Variants in PARD3B observed in about 807,000 individuals in gnomAD.
PARD3B encodes the protein par-3 family cell polarity regulator beta, also known as partitioning defective 3 homolog B.
In PARD3B, 103 loss-of-function variants were observed where a neutral mutation model predicts 130.2. The ratio of observed to expected loss-of-function variants is 0.79; its 90% CI spans 0.67 to 0.93. PARD3B has a LOEUF of 0.93. Among genes scored for constraint, PARD3B ranks in the 40% least tolerant of loss-of-function variants. PARD3B has a pLI of 0.00. For synonymous variants in PARD3B, 583 were observed against 553.2 expected, an observed-to-expected ratio of 1.05 and a Z score of -0.76; for missense variants, 1,609 against 1,499.2, an observed-to-expected ratio of 1.07 and a Z score of -1.21.
At chr2:204,897,153 G>C (rs1559237852) in intron 2 of PARD3B, among the ~76,000 whole-genome samples, 1 of 152,024 alleles carries the variant, frequency 6.6e-6, no homozygotes, top group Non-Finnish European at 1.5e-5. Flanking sequence ...TTATAATTTA[G>C]CTATTAAATC....
rs76956694 is a variant in PARD3B at position 204,639,964 on chromosome 2, A to G, written c.121-46217A>G. On this transcript the variant is annotated intron_variant, in intron 1 of 22. Coordinates refer to ENST00000406610, the MANE Select transcript of PARD3B (RefSeq NM_001302769.2). ...GTATCTTCTACTTGCCCTTATAAAT[A>G]TACTCGTTGCTGGGCATGGTGGCTC... 7.3e-3 allele frequency among the ~76,000 whole-genome samples: 1,110 copies of G among 152,212 alleles called. 14 individuals carry two copies. The highest frequency in any genetic ancestry group is 0.047 in the East Asian group (243 of 5,150).
chr2:204,835,749 G>A (rs2044007381), intron 2 of PARD3B, among the ~76,000 whole-genome samples: 1 of 152,160 alleles, frequency 6.6e-6, no homozygotes. Flanking sequence ...TCTTTTCCCA[G>A]GCTAGGAATA....
chr2:205,565,856 A>C (rs2053307586), intron 22 of PARD3B, among the ~76,000 whole-genome samples: 1 of 151,848 alleles, frequency 6.6e-6, no homozygotes, highest in South Asian at 2.1e-4. Context: ...CTAGTGGAGA[A>C]GATAGTAATT....
rs181853665 is a variant in PARD3B, at chr2:204,983,054, T to C, written c.394+17731T>C. ...TATCTGGATGATTGCCTCCATTTTC[T>C]ACCTGATTTAGTGCTTTCTACCTGA... On this transcript the variant is annotated intron_variant, in intron 3 of 22. Coordinates refer to ENST00000406610, the MANE Select transcript of PARD3B (RefSeq NM_001302769.2). Among the ~76,000 whole-genome samples, 141 of 152,336 alleles carry C rather than the reference T, an allele frequency of 9.3e-4. 1 individual carries two copies. Among genetic ancestry groups the C allele is most frequent in the Non-Finnish European group, 1.5e-3 (100 of 68,028 alleles).
At chr2:204,978,965 CAAAAAA>C (rs34432147) in intron 3 of PARD3B, among the ~76,000 whole-genome samples, 1 of 74,896 alleles carries the variant, frequency 1.3e-5, no homozygotes, top group Non-Finnish European at 2.4e-5. Flanking sequence ...ACCCTGGCCT[CAAAAAA>C]AAAAAAAAAA....
At chr2:205,039,219 C>CT (rs1698220910) in intron 3 of PARD3B, among the ~76,000 whole-genome samples, 1 of 152,032 alleles carries the variant, frequency 6.6e-6, no homozygotes, top group African/African-American at 2.4e-5. Flanking sequence ...TTTCACTAGT[C>CT]TTATTTTATT....
chr2:205,349,491 C>T (rs1256276107), intron 18 of PARD3B, among the ~76,000 whole-genome samples: 2 of 152,098 alleles, frequency 1.3e-5, no homozygotes, highest in African/African-American at 4.8e-5. Context: ...TCAAAATAAA[C>T]TGTGGAAAGA....
Position 205,010,083 on chromosome 2 carries a change from G to A in PARD3B, c.395-37498G>A, listed in dbSNP as rs150186522. ...AACCAATATAGTAATATTTTTCCAA[G>A]CAGGCAATTTTAAACAACAATACTG... On this transcript the variant is annotated intron_variant, in intron 3 of 22. Transcript: ENST00000406610. Among the ~76,000 whole-genome samples, 1,383 of 152,202 alleles carry A rather than the reference G, an allele frequency of 9.1e-3. 11 individuals are homozygous for A. The highest frequency in any genetic ancestry group is 0.027 in the South Asian group (128 of 4,826).
At chr2:205,199,244 C>T (rs1285524900) in intron 15 of PARD3B, among the ~76,000 whole-genome samples, 1 of 151,916 alleles carries the variant, frequency 6.6e-6, no homozygotes, top group Non-Finnish European at 1.5e-5. Flanking sequence ...ATTAGAACCC[C>T]AACAGGAAAG....
intron 1 of PARD3B, among the ~76,000 whole-genome samples, chr2:204,655,245 A>C (rs1286664064): frequency 2.0e-5 from 3 of 152,182 alleles, no homozygotes; most frequent in Non-Finnish European, 4.4e-5. Flanking sequence ...ACACTCCTGC[A>C]TTCAAGGCTA....
At chr2:205,173,493 T>A (rs1174090775) in intron 12 of PARD3B, among the ~76,000 whole-genome samples, 1 of 152,186 alleles carries the variant, frequency 6.6e-6, no homozygotes, top group African/African-American at 2.4e-5. Context: ...AGTAGATGCT[T>A]GATAAATATT....
intron 1 of PARD3B, among the ~76,000 whole-genome samples, chr2:204,555,780 C>T (rs1394126517): frequency 1.3e-5 from 2 of 152,190 alleles, no homozygotes; most frequent in East Asian, 1.9e-4. Flanking sequence ...GCCGTTTTCT[C>T]TCTTCCTAAA....
intron 21 of PARD3B, among the ~76,000 whole-genome samples, chr2:205,513,586 GA>G (rs1355334706): frequency 6.6e-6 from 1 of 152,066 alleles, no homozygotes. Flanking sequence ...TTAAGGAAAA[GA>G]ATAGTCATTT....
intron 11 of PARD3B, among the ~76,000 whole-genome samples, chr2:205,166,127 A>G (rs1009288255): frequency 3.3e-5 from 5 of 152,212 alleles, no homozygotes; most frequent in Admixed American, 2.6e-4. Context: ...TGTATAGTGG[A>G]CTAGACACCG....
At position 204,610,418 on chromosome 2, in the gene PARD3B, C is replaced by T. The variant is rs766052783; in HGVS notation, c.120+64299C>T. Among the ~76,000 whole-genome samples, 6 of 152,176 alleles carry T rather than the reference C, an allele frequency of 3.9e-5. No individual in the cohort carries two copies. Among genetic ancestry groups the T allele is most frequent in the East Asian group, 1.9e-4 (1 of 5,196 alleles). On this transcript the variant is annotated intron_variant, in intron 1 of 22. Coordinates refer to ENST00000406610, the MANE Select transcript of PARD3B (RefSeq NM_001302769.2). This position sits in a 1 kb window ranked among gnomAD's most constrained non-coding sequence, Gnocchi z 4.1. ...TTGCCTAGGCTGGAGGGCAGTGGCACGGTCTTGGCTTACTGCAACCTCGAC... is the reference window on the plus strand; with the variant it reads ...TTGCCTAGGCTGGAGGGCAGTGGCATGGTCTTGGCTTACTGCAACCTCGAC...
At chr2:205,226,286 C>T (rs1255652539) in intron 15 of PARD3B, among the ~76,000 whole-genome samples, 1 of 152,122 alleles carries the variant, frequency 6.6e-6, no homozygotes, top group African/African-American at 2.4e-5. Flanking sequence ...TGTGATCCGC[C>T]CGCCTTGGCC....
chr2:204,980,752 T>C (rs1013116663), intron 3 of PARD3B, among the ~76,000 whole-genome samples: 8 of 152,086 alleles, frequency 5.3e-5, no homozygotes, highest in African/African-American at 1.9e-4. Context: ...CTTCACAAAG[T>C]CAAGGTCATG....
At chr2:204,937,365 G>A (rs559438454) in intron 2 of PARD3B, among the ~76,000 whole-genome samples, 3 of 152,280 alleles carry the variant, frequency 2.0e-5, no homozygotes, top group African/African-American at 7.2e-5. Flanking sequence ...GTACTTGACT[G>A]TAGTTCCTTG....
chr2:205,350,307 C>G (rs2043952513), intron 18 of PARD3B, among the ~76,000 whole-genome samples: 1 of 152,186 alleles, frequency 6.6e-6, no homozygotes, highest in South Asian at 2.1e-4. Context: ...CAATAAGAAA[C>G]CATCTCCTTG....
Sources: gnomAD v4.1 joint callset for allele counts (sites outside exome capture counted in the v4.1 genomes callset) on GRCh38, gnomAD v4.1.1 for gene constraint, Gnocchi (gnomAD v3.1) non-coding constraint, MANE v1.5 for transcripts, NCBI Gene and HGNC (gene_info 2026-07-23, HGNC 2026-07-21) for gene names.